SPO11: variants seen among roughly 807,000 people sequenced by gnomAD.
SPO11 encodes the protein meiotic recombination protein SPO11.
In SPO11, 49 loss-of-function variants were observed where a neutral mutation model predicts 51.6. That is an observed-to-expected ratio of 0.95 (90% CI 0.75 to 1.20). The LOEUF is 1.20. SPO11 is among the 50% of genes most tolerant of loss of function. The pLI is 0.00. For missense variants in SPO11, 431 were observed against 473.4 expected, an observed-to-expected ratio of 0.91 and a Z score of 0.83; for synonymous variants, 176 against 158.2, an observed-to-expected ratio of 1.11 and a Z score of -0.84.
chr20:57,329,841 T>C lies in SPO11; in HGVS notation c.-27T>C. On this transcript the variant is annotated 5_prime_UTR_variant, in exon 1 of 13. Coordinates refer to ENST00000371263, the MANE Select transcript of SPO11 (RefSeq NM_012444.3). The stretch of plus-strand genomic sequence containing the variant: ...GGGCGCAGCCTAGGACAGGGGCTTC[T>C]GGAGCTTCTGGCAGCCGTCTGCCCT... The C allele has an allele frequency of 1.9e-6, 3 of 1,602,126 alleles. No homozygotes were observed. Among genetic ancestry groups the C allele is most frequent in the Non-Finnish European group, 1.7e-6 (2 of 1,172,950 alleles).
At chr20:57,337,535 C>G (rs2066527307) in intron 8 of SPO11, among the ~76,000 whole-genome samples, 1 of 152,216 alleles carries the variant, frequency 6.6e-6, no homozygotes, top group Non-Finnish European at 1.5e-5. Flanking sequence ...TATGCTGCCT[C>G]TCCACATCCC....
At chr20:57,338,445 T>A in intron 9 of SPO11, 70 bp downstream of exon 9, 28 of 1,103,740 alleles carry the variant, frequency 2.5e-5, no homozygotes, top group South Asian at 4.3e-5. Context: ...GTTTTCTTCC[T>A]CTTTTTTTTT....
chr20:57,341,887 G>A (rs2066586573), intron 11 of SPO11, among the ~76,000 whole-genome samples: 1 of 152,148 alleles, frequency 6.6e-6, no homozygotes, highest in African/African-American at 2.4e-5. Flanking sequence ...TACGATCAAA[G>A]GAAAAACACT....
Position 57,332,917 on chromosome 20 carries a change from C to T in SPO11, c.246-271C>T, listed in dbSNP as rs546759585. Among the ~76,000 whole-genome samples the T allele has an allele frequency of 2.0e-5, 3 of 152,248 alleles. No individual in the cohort carries two copies. The East Asian group carries it at 5.8e-4, about 29-fold the overall frequency. The stretch of plus-strand genomic sequence containing the variant: ...TTCCCAGTAAAAAAGTATGCACACA[C>T]ACAAACACACTCCCACACCCCCTAA... On this transcript the variant is annotated intron_variant, in intron 2 of 12. Transcript: ENST00000371263.
chr20:57,338,150 C>T, intron 8 of SPO11, 126 bp from the exon 9 acceptor site: 1 of 734,466 alleles, frequency 1.4e-6, no homozygotes, highest in Non-Finnish European at 2.2e-6. Flanking sequence ...CTTGGCCTCC[C>T]AACGTGCTGG....
intron 1 of SPO11, 25 bp downstream of exon 1, chr20:57,330,023 G>A (rs758851313): frequency 1.3e-6 from 2 of 1,555,454 alleles, no homozygotes; most frequent in Non-Finnish European, 1.7e-6. Context: ...GCCGAGGCGC[G>A]ACGCAGCCAC....
chr20:57,336,244 T>G (rs943274447), intron 8 of SPO11, among the ~76,000 whole-genome samples: 4 of 152,238 alleles, frequency 2.6e-5, no homozygotes, highest in African/African-American at 9.6e-5. Context: ...TCCTGCCACT[T>G]GTCCTGTGGC....
chr20:57,334,689 A>G, intron 5 of SPO11, 61 bp from the exon 6 acceptor site: 1 of 1,358,070 alleles, frequency 7.4e-7, no homozygotes, highest in Non-Finnish European at 1.0e-6. Flanking sequence ...ACAAGGAGTG[A>G]CTTAATAGCA....
At chr20:57,341,911 A>G (rs143068216) in intron 11 of SPO11, among the ~76,000 whole-genome samples, 338 of 152,352 alleles carry the variant, frequency 2.2e-3, no homozygotes, top group Admixed American at 4.1e-3. Context: ...GTAGCTACAG[A>G]AGCCAGGCTG....
At position 57,337,965 on chromosome 20, in the gene SPO11, G is replaced by A. The variant is rs957533985; in HGVS notation, c.745-311G>A. Among the ~76,000 whole-genome samples the A allele has an allele frequency of 2.6e-5, 4 of 152,216 alleles. No individual in the cohort carries two copies. In the East Asian group the frequency reaches 7.7e-4, roughly 29 times the overall value. Reference sequence around the variant, plus strand: ...TGCAATGGCGTGATTTCGGCTCATTGCAACTTCTGCCTCCTAGGTTCAAGT... The same window carrying A: ...TGCAATGGCGTGATTTCGGCTCATTACAACTTCTGCCTCCTAGGTTCAAGT... On this transcript the variant is annotated intron_variant, in intron 8 of 12. Coordinates refer to ENST00000371263, the MANE Select transcript of SPO11 (RefSeq NM_012444.3).
rs1179339872 is a variant in SPO11 at position 57,329,823 on chromosome 20, G to C, written c.-45G>C. ...CACGCAGCCACGCCCCAAGGGCGCA[G>C]CCTAGGACAGGGGCTTCTGGAGCTT... is the stretch of plus-strand genomic sequence containing the variant. On this transcript the variant is annotated 5_prime_UTR_variant, in exon 1 of 13. Transcript: ENST00000371263. 1.3e-6 allele frequency: 2 copies of C among 1,589,778 alleles called. No individual in the cohort carries two copies. Among genetic ancestry groups the C allele is most frequent in the Non-Finnish European group, 1.7e-6 (2 of 1,166,746 alleles).
At chr20:57,335,640 A>G (rs1338925845) in intron 7 of SPO11, among the ~76,000 whole-genome samples, 158 bp from the exon 8 acceptor site, 1 of 152,186 alleles carries the variant, frequency 6.6e-6, no homozygotes, top group Non-Finnish European at 1.5e-5. Flanking sequence ...GAAGAGACAG[A>G]TATCTGAATA....
chr20:57,334,715 A>T (rs774547691), intron 5 of SPO11, 35 bp from the exon 6 acceptor site: 48 of 1,545,644 alleles, frequency 3.1e-5, no homozygotes, highest in Non-Finnish European at 4.1e-5. Flanking sequence ...CATATTCGTG[A>T]AGCAGGTTTC....
At chr20:57,341,248 G>A (rs2066577936) in intron 11 of SPO11, among the ~76,000 whole-genome samples, 1 of 152,120 alleles carries the variant, frequency 6.6e-6, no homozygotes, top group Non-Finnish European at 1.5e-5. Flanking sequence ...ATTCTGATAG[G>A]TCGTGCTTTG....
chr20:57,334,988 GTACAT>G (rs2066494655), intron 6 of SPO11, 152 bp downstream of exon 6: 1 of 585,798 alleles, frequency 1.7e-6, no homozygotes, highest in Non-Finnish European at 2.9e-6. Flanking sequence ...TTACAGAACT[GTACAT>G]TACATAGTTT....
chr20:57,331,507 T>C (rs1324369506), intron 1 of SPO11, among the ~76,000 whole-genome samples: 1 of 152,264 alleles, frequency 6.6e-6, no homozygotes, highest in Non-Finnish European at 1.5e-5. Flanking sequence ...GTTAATATGA[T>C]AAAATTACAG....
chr20:57,330,087 G>C, intron 1 of SPO11, 89 bp downstream of exon 1: 10 of 1,440,494 alleles, frequency 6.9e-6, no homozygotes, highest in Non-Finnish European at 9.1e-6. Context: ...CTAGTGTTGA[G>C]GCTGAGGAGG....
intron 2 of SPO11, among the ~76,000 whole-genome samples, chr20:57,332,205 T>G (rs936137122): frequency 6.6e-6 from 1 of 152,206 alleles, no homozygotes; most frequent in African/African-American, 2.4e-5. Flanking sequence ...CAAATGCATG[T>G]GATAAAGTCT....
intron 10 of SPO11, among the ~76,000 whole-genome samples, chr20:57,339,555 A>G (rs2066554770): frequency 6.6e-6 from 1 of 152,114 alleles, no homozygotes; most frequent in South Asian, 2.1e-4. Flanking sequence ...ACTGAGCCAA[A>G]ATCTCTAGGG....
Sources: allele counts gnomAD v4.1 joint callset (sites outside exome capture counted in the v4.1 genomes callset), GRCh38; gene constraint gnomAD v4.1.1; transcripts MANE v1.5; gene names NCBI Gene and HGNC (gene_info 2026-07-23, HGNC 2026-07-21).